The following DSCAM variants were observed in gnomAD, a reference collection of about 807,000 sequenced individuals.
The protein encoded by DSCAM is cell adhesion molecule DSCAM.
Under a neutral mutation model 217.7 loss-of-function variants are expected in DSCAM, and 47 were observed. The ratio of observed to expected loss-of-function variants is 0.22; its 90% confidence interval spans 0.17 to 0.28. The LOEUF is 0.28. Ranked by LOEUF, DSCAM falls within the 10% of genes least tolerant of loss-of-function variation. The probability of loss-of-function intolerance (pLI) is 1.00; values close to 1 mark genes in which losing one functional copy is unlikely to be tolerated. For synonymous variants in DSCAM, 1,056 were observed against 1,015.3 expected (o/e 1.04, Z -0.76); for missense variants, 2,080 against 2,618.3 (o/e 0.79, Z 4.49).
At chr21:40,644,260 A>T (rs1022079315) in intron 3 of DSCAM, among the ~76,000 whole-genome samples, 3 of 152,212 alleles carry the variant, frequency 2.0e-5, no homozygotes, top group East Asian at 1.9e-4. Flanking sequence ...AACTCAGATA[A>T]CTTTATGACA....
intron 6 of DSCAM, among the ~76,000 whole-genome samples, chr21:40,341,158 A>T (rs1344076706): frequency 6.6e-6 from 1 of 152,204 alleles, no homozygotes; most frequent in East Asian, 1.9e-4. Context: ...AGACAACTTT[A>T]AAATATTAAA....
chr21:40,767,218 T>C (rs986754876), intron 1 of DSCAM, among the ~76,000 whole-genome samples: 22 of 152,168 alleles, frequency 1.4e-4, no homozygotes, highest in African/African-American at 5.3e-4. Context: ...CCAGCATTCC[T>C]TTTCCTACTA....
intron 4 of DSCAM, among the ~76,000 whole-genome samples, chr21:40,355,118 C>A (rs975636748): frequency 7.9e-5 from 12 of 151,884 alleles, no homozygotes; most frequent in African/African-American, 2.9e-4. Context: ...CATTAGCAAG[C>A]AAATAAAGAT....
At chr21:40,194,856 G>T (rs186393696) in intron 11 of DSCAM, among the ~76,000 whole-genome samples, 173 of 152,240 alleles carry the variant, frequency 1.1e-3, no homozygotes, top group Non-Finnish European at 1.8e-3. Context: ...GGCAATGGTG[G>T]TAGTATTTAT....
At chr21:40,799,936 T>A (rs1043003229) in intron 1 of DSCAM, among the ~76,000 whole-genome samples, 2 of 152,236 alleles carry the variant, frequency 1.3e-5, no homozygotes, top group African/African-American at 4.8e-5. Context: ...GAAACTCATG[T>A]TGAAACTTAA....
chr21:40,508,035 A>G (rs1172558585), intron 3 of DSCAM, among the ~76,000 whole-genome samples: 2 of 152,148 alleles, frequency 1.3e-5, no homozygotes, highest in African/African-American at 4.8e-5. Context: ...TATTTTCCTA[A>G]GTGGAGCCAC....
At chr21:40,099,290 C>T (rs2146605513) in intron 20 of DSCAM, among the ~76,000 whole-genome samples, 1 of 152,232 alleles carries the variant, frequency 6.6e-6, no homozygotes. Context: ...TAAAATATGA[C>T]TTTTTATGCA....
At chr21:40,805,721 T>TC (rs200186610) in intron 1 of DSCAM, among the ~76,000 whole-genome samples, 15 of 133,386 alleles carry the variant, frequency 1.1e-4, no homozygotes, top group Admixed American at 3.8e-4. Context: ...TCTTTTCTTT[T>TC]TTTTTTTAAT....
At chr21:40,706,799 C>G (rs955594431) in intron 2 of DSCAM, among the ~76,000 whole-genome samples, 2 of 152,228 alleles carry the variant, frequency 1.3e-5, no homozygotes, top group Admixed American at 6.5e-5. Context: ...ATTATGTGTT[C>G]ACAATAAAAA....
chr21:40,177,608 T>C (rs1434411944), intron 15 of DSCAM, among the ~76,000 whole-genome samples: 1 of 152,200 alleles, frequency 6.6e-6, no homozygotes, highest in Non-Finnish European at 1.5e-5. Context: ...TAGGATTTAA[T>C]CTAAGAAAAT....
intron 3 of DSCAM, among the ~76,000 whole-genome samples, chr21:40,688,935 G>A (rs2090511473): frequency 6.6e-6 from 1 of 152,164 alleles, no homozygotes; most frequent in African/African-American, 2.4e-5. Context: ...ATATGATGAA[G>A]AGGCATAACT....
At chr21:40,146,950 T>C (rs2837460) in intron 16 of DSCAM, among the ~76,000 whole-genome samples, 71,995 of 151,898 alleles carry the variant, frequency 0.47, 19,691 homozygotes, top group South Asian at 0.63. Context: ...CCTAATTAAT[T>C]AATCAAATGA....
intron 15 of DSCAM, 116 bp from the exon 16 acceptor site, chr21:40,167,404 A>G (rs1442155355): frequency 2.4e-6 from 2 of 830,558 alleles, no homozygotes; most frequent in Non-Finnish European, 4.0e-6. Flanking sequence ...GCACAGAGAA[A>G]GAAGTTTTTA....
intron 8 of DSCAM, among the ~76,000 whole-genome samples, chr21:40,328,530 A>G (rs2074341893): frequency 6.6e-6 from 1 of 152,182 alleles, no homozygotes; most frequent in Admixed American, 6.5e-5. Context: ...CTATGACACT[A>G]CTAGGAGAAA....
chr21:40,508,461 C>G (rs1453332732), intron 3 of DSCAM, among the ~76,000 whole-genome samples: 2 of 151,892 alleles, frequency 1.3e-5, no homozygotes, highest in East Asian at 3.9e-4. Flanking sequence ...GTAAAAAGAT[C>G]CCAAGCATAG....
intron 1 of DSCAM, among the ~76,000 whole-genome samples, chr21:40,806,333 T>G: frequency 6.7e-6 from 1 of 149,886 alleles, no homozygotes; most frequent in African/African-American, 2.4e-5. Context: ...GCCCCGATTC[T>G]CCCAGTGCCT....
chr21:40,229,966 G>C (rs140896191), intron 11 of DSCAM, among the ~76,000 whole-genome samples: 1 of 152,184 alleles, frequency 6.6e-6, no homozygotes, highest in Non-Finnish European at 1.5e-5. Context: ...ATGAATGAGA[G>C]TTGCTATTAC....
At chr21:40,413,738 A>G (rs1268572126) in intron 3 of DSCAM, among the ~76,000 whole-genome samples, 1 of 152,252 alleles carries the variant, frequency 6.6e-6, no homozygotes, top group Non-Finnish European at 1.5e-5. Context: ...AAGACAGTAT[A>G]TTATTCACAC....
intron 1 of DSCAM, among the ~76,000 whole-genome samples, chr21:40,818,287 C>T (rs1310330874): frequency 6.6e-6 from 1 of 151,466 alleles, no homozygotes; most frequent in African/African-American, 2.4e-5. Flanking sequence ...TGGCTCACGC[C>T]TGTAATCCCA....
Sources: allele counts gnomAD v4.1 joint callset (sites outside exome capture counted in the v4.1 genomes callset), GRCh38; gene constraint gnomAD v4.1.1; transcripts MANE v1.5; gene names NCBI Gene and HGNC (gene_info 2026-07-23, HGNC 2026-07-21).